Variants in RIMS2 observed in about 807,000 individuals in gnomAD.
RIMS2 encodes regulating synaptic membrane exocytosis 2.
In RIMS2, 59 loss-of-function variants were observed where a neutral mutation model predicts 174.4. The observed-to-expected ratio is 0.34, with a 90% CI of 0.27 to 0.42. RIMS2 has a LOEUF of 0.42. Among genes scored for constraint, RIMS2 ranks in the 10% least tolerant of loss-of-function variants. RIMS2 has a pLI of 1.00. For synonymous variants in RIMS2, 606 were observed against 572.5 expected (o/e 1.06, Z -0.84); for missense variants, 1,620 against 1,666.3 (o/e 0.97, Z 0.48).
At chr8:104,032,923 CATATT>C (rs774029190) in intron 19 of RIMS2, among the ~76,000 whole-genome samples, 2 of 151,856 alleles carry the variant, frequency 1.3e-5, no homozygotes, top group Non-Finnish European at 2.9e-5. Flanking sequence ...CCTCACACAG[CATATT>C]ATGTCTGTGA....
chr8:103,945,033 C>A (rs954917269), intron 14 of RIMS2, among the ~76,000 whole-genome samples: 2 of 151,990 alleles, frequency 1.3e-5, no homozygotes, highest in African/African-American at 2.4e-5. Context: ...TGACAAGAAC[C>A]TCCTTAAGGG....
At chr8:104,039,703 A>G (rs1390725107) in intron 19 of RIMS2, among the ~76,000 whole-genome samples, 1 of 151,758 alleles carries the variant, frequency 6.6e-6, no homozygotes, top group Non-Finnish European at 1.5e-5. Context: ...AACACAATGC[A>G]ACATACGAAA....
At chr8:103,914,311 C>G (rs781069025) in intron 6 of RIMS2, among the ~76,000 whole-genome samples, 1 of 152,090 alleles carries the variant, frequency 6.6e-6, no homozygotes, top group Non-Finnish European at 1.5e-5. Flanking sequence ...GGCTTCAATT[C>G]CAAATACAGG....
At chr8:103,766,865 T>G (rs999325355) in intron 3 of RIMS2, among the ~76,000 whole-genome samples, 1 of 152,182 alleles carries the variant, frequency 6.6e-6, no homozygotes, top group African/African-American at 2.4e-5. Context: ...GGCTATAGAC[T>G]CTTTATAGAG....
chr8:104,149,858 T>C (rs2098675200), intron 19 of RIMS2, among the ~76,000 whole-genome samples: 1 of 152,204 alleles, frequency 6.6e-6, no homozygotes, highest in African/African-American at 2.4e-5. Flanking sequence ...AACAATATTA[T>C]ATTGAAATAA....
chr8:104,224,618 G>A (rs943507054), intron 19 of RIMS2, among the ~76,000 whole-genome samples: 2 of 152,150 alleles, frequency 1.3e-5, no homozygotes, highest in African/African-American at 4.8e-5. Context: ...ATCCGGAGTA[G>A]GTTCGTTATC....
chr8:103,719,975 G>T (rs1213905818), intron 2 of RIMS2, among the ~76,000 whole-genome samples: 1 of 151,910 alleles, frequency 6.6e-6, no homozygotes, highest in Non-Finnish European at 1.5e-5. Flanking sequence ...TAGGATATTG[G>T]TATCTCTTGA....
chr8:103,524,591 A>T (rs1833122592), intron 1 of RIMS2, among the ~76,000 whole-genome samples: 1 of 152,198 alleles, frequency 6.6e-6, no homozygotes, highest in Non-Finnish European at 1.5e-5. Flanking sequence ...GGTGTTAAAC[A>T]GCTAATGAGT....
intron 1 of RIMS2, among the ~76,000 whole-genome samples, chr8:103,513,171 G>A (rs775295888): frequency 1.3e-4 from 20 of 152,122 alleles, no homozygotes; most frequent in Admixed American, 3.3e-4. Context: ...TGGGTGAGCT[G>A]GGCCAGGGAA....
At chr8:104,177,193 G>T (rs988648719) in intron 19 of RIMS2, among the ~76,000 whole-genome samples, 80 of 152,194 alleles carry the variant, frequency 5.3e-4, no homozygotes, top group Middle Eastern at 3.4e-3. Context: ...ACATTTTGTG[G>T]ATGTGAAACT....
intron 19 of RIMS2, among the ~76,000 whole-genome samples, chr8:104,153,128 G>A (rs1028103975): frequency 6.6e-6 from 1 of 152,182 alleles, no homozygotes; most frequent in Admixed American, 6.5e-5. Context: ...ACACATAGAG[G>A]CTAAGTTATA....
intron 1 of RIMS2, among the ~76,000 whole-genome samples, chr8:103,608,799 C>G (rs1389248477): frequency 1.7e-4 from 26 of 152,228 alleles, no homozygotes; most frequent in Admixed American, 1.7e-3. Context: ...AAAGGGAACT[C>G]CCTGATCCGT....
chr8:103,684,417 AT>A (rs1247920286), intron 1 of RIMS2, among the ~76,000 whole-genome samples: 1 of 152,074 alleles, frequency 6.6e-6, no homozygotes, highest in African/African-American at 2.4e-5. Flanking sequence ...AGTTTATGAT[AT>A]TTTGTAATTG....
chr8:103,594,707 C>T (rs2094416762), intron 1 of RIMS2, among the ~76,000 whole-genome samples: 1 of 151,718 alleles, frequency 6.6e-6, no homozygotes, highest in Non-Finnish European at 1.5e-5. Context: ...TATGGAAATA[C>T]AGGATATTAG....
chr8:103,826,042 ACTGTTGTTGG>A (rs1564786693), intron 3 of RIMS2, among the ~76,000 whole-genome samples: 1 of 152,108 alleles, frequency 6.6e-6, no homozygotes, highest in African/African-American at 2.4e-5. Context: ...ACTTTTTCAT[ACTGTTGTTGG>A]CTATTTGTGT....
At chr8:104,108,299 A>G (rs950559957) in intron 19 of RIMS2, among the ~76,000 whole-genome samples, 6 of 151,974 alleles carry the variant, frequency 3.9e-5, no homozygotes, top group Non-Finnish European at 8.8e-5. Flanking sequence ...ATCTCACTGC[A>G]TGATCATATC....
At chr8:103,809,397 T>C (rs576740174) in intron 3 of RIMS2, among the ~76,000 whole-genome samples, 6 of 152,242 alleles carry the variant, frequency 3.9e-5, no homozygotes, top group African/African-American at 9.6e-5. Context: ...TTAGTCTCTG[T>C]CTTCCCTGCT....
intron 2 of RIMS2, among the ~76,000 whole-genome samples, chr8:103,759,902 T>G (rs1329790547): frequency 6.6e-6 from 1 of 152,138 alleles, no homozygotes; most frequent in Non-Finnish European, 1.5e-5. Context: ...TGTAGCAGCA[T>G]AAGCCTCACA....
At chr8:104,100,434 T>A (rs1029605598) in intron 19 of RIMS2, among the ~76,000 whole-genome samples, 1 of 152,140 alleles carries the variant, frequency 6.6e-6, no homozygotes, top group Non-Finnish European at 1.5e-5. Context: ...TCCCTTTTAT[T>A]TCTTTTTCTT....
Sources: allele counts gnomAD v4.1 joint callset (sites outside exome capture counted in the v4.1 genomes callset), GRCh38; gene constraint gnomAD v4.1.1; transcripts MANE v1.5; gene names NCBI Gene and HGNC (gene_info 2026-07-23, HGNC 2026-07-21).